The following PDIA6 variants were observed in gnomAD, a reference collection of about 807,000 sequenced individuals.
The protein encoded by PDIA6 is protein disulfide isomerase family A member 6.
PDIA6 carries 29 observed loss-of-function variants against 58.4 expected under a neutral mutation model. That is an observed-to-expected ratio of 0.50 (90% confidence interval 0.37 to 0.68). The LOEUF (loss-of-function observed/expected upper bound fraction) is 0.68. PDIA6 is among the 30% of genes least tolerant of loss of function. The pLI is 0.00. For missense variants in PDIA6, 480 were observed against 551.0 expected (o/e 0.87, Z 1.29); for synonymous variants, 192 against 202.6 (o/e 0.95, Z 0.44).
In PDIA6 at chr2:10,802,510, G is replaced by C. The variant is rs749186475; in HGVS notation, c.150C>G (p.Phe50Leu). The C allele has an allele frequency of 7.1e-7, 1 of 1,400,814 alleles. No individual in the cohort carries two copies. The highest frequency in any genetic ancestry group is 2.0e-5 in the South Asian group (1 of 51,186). 86.8% of individuals were successfully genotyped at this position (1,400,814 alleles called of 1,614,324 possible). The change falls in exon 2 of 13, where the codon TTC becomes TTG. Residue 50 changes from phenylalanine (F) to leucine (L), a missense_variant. Physicochemically the swap from Phe to Leu is conservative, Grantham distance 22. Transcript: ENST00000272227. The part of the protein sequence containing the change: ...IQSDSLWLVE[F>L]YAPWCGHCQR... ...TTTATAATACTTACCATGGAGCATA[G>C]AATTCTACAAGCCACAAACTATCAC...
In PDIA6 at chr2:10,784,233, T is replaced by C. The variant is rs1246161953; in HGVS notation, c.*25A>G. On this transcript the variant is annotated 3_prime_UTR_variant, in exon 13 of 13. Coordinates refer to ENST00000272227, the MANE Select transcript of PDIA6 (RefSeq NM_005742.4). ...TCCACTGGCTCCCAAGAAAAGAAAA[T>C]GGTCTGAAGCCTCTGTTGTGGCTCT... 1.3e-6 allele frequency: 2 copies of C among 1,584,602 alleles called. No individual in the cohort carries two copies. The highest frequency in any genetic ancestry group is 1.7e-6 in the Non-Finnish European group (2 of 1,161,660).
chr2:10,816,978 T>C (rs1418623937), upstream of PDIA6, among the ~76,000 whole-genome samples: 1 of 152,216 alleles, frequency 6.6e-6, no homozygotes, highest in Non-Finnish European at 1.5e-5. Flanking sequence ...CCCAAGTTCC[T>C]TGATGCCCAC....
In PDIA6 at chr2:10,793,133, AG is replaced by A; in HGVS notation, c.415del (p.Leu139SerfsTer24). On this transcript the variant is annotated frameshift_variant, in exon 5 of 13. Coordinates refer to ENST00000272227, the MANE Select transcript of PDIA6 (RefSeq NM_005742.4). LOFTEE classifies it high-confidence loss of function. ...ACTGTATCCTCCGCTCCGTCCCCCGAGGCGATCCTTCACGAGCTGGCGCAGA... is the reference window on the plus strand; with the variant it reads ...ACTGTATCCTCCGCTCCGTCCCCCGAGCGATCCTTCACGAGCTGGCGCAGA... ...SALRQLVKDR[L>X]GGRSGGYSSG... 1 of 1,614,036 alleles carries A rather than the reference AG, an allele frequency of 6.2e-7. No homozygotes were observed. Among genetic ancestry groups the A allele is most frequent in the Non-Finnish European group, 8.5e-7 (1 of 1,179,896 alleles).
At position 10,812,713 on chromosome 2, in the gene PDIA6, C is replaced by G; in HGVS notation, c.-17G>C. On this transcript the variant is annotated 5_prime_UTR_variant, in exon 1 of 13. Transcript: ENST00000272227. ...GAGAGCCATGCCGAGCGCCGGGCTA[C>G]GTGCAGTCCCCACCGCCGCCGCCGC... 6.6e-7 allele frequency: 1 copy of G among 1,514,632 alleles called. No homozygotes were observed. 93.8% of individuals were successfully genotyped at this position (1,514,632 alleles called of 1,614,324 possible).
At chr2:10,798,656 A>C (rs970270303) in intron 2 of PDIA6, among the ~76,000 whole-genome samples, 11 of 151,998 alleles carry the variant, frequency 7.2e-5, no homozygotes, top group Admixed American at 5.9e-4. Flanking sequence ...CACCCTCAAC[A>C]AGCCCTTTAG....
upstream of PDIA6, among the ~76,000 whole-genome samples, chr2:10,813,788 A>C (rs1667107987): frequency 6.6e-6 from 1 of 151,672 alleles, no homozygotes; most frequent in Non-Finnish European, 1.5e-5. Flanking sequence ...GGTGCATGTC[A>C]CCACGCCCGG....
At chr2:10,819,584 G>T (rs1667322070) in intron 1 of PDIA6, among the ~76,000 whole-genome samples, 1 of 152,170 alleles carries the variant, frequency 6.6e-6, no homozygotes, top group African/African-American at 2.4e-5. Flanking sequence ...TCCTTCTTTT[G>T]TCTGAAGGAC....
At chr2:10,828,781 G>A (rs190087216) in intron 1 of PDIA6, among the ~76,000 whole-genome samples, 3 of 152,326 alleles carry the variant, frequency 2.0e-5, no homozygotes, top group Admixed American at 2.0e-4. Context: ...GCTTTGGAGG[G>A]GGCACAAAGC....
chr2:10,802,599 A>G lies in PDIA6; in HGVS notation c.61T>C (p.Tyr21His). ...CTFFLAVNGLYSSSDDVIELT... is the reference protein window; with the variant it reads ...CTFFLAVNGLHSSSDDVIELT... ...TCGATCACATCATCACTAGAGGAATACAGACCATTCACTGCCAGAAAGAAG... is the reference window on the plus strand; with the variant it reads ...TCGATCACATCATCACTAGAGGAATGCAGACCATTCACTGCCAGAAAGAAG... The change falls in exon 2 of 13, where the codon TAT becomes CAT. Residue 21 changes from tyrosine to histidine, a missense_variant. Transcript: ENST00000272227. 2 of 1,493,192 alleles carry G rather than the reference A, an allele frequency of 1.3e-6. No homozygotes were observed. Among genetic ancestry groups the G allele is most frequent in the South Asian group, 1.4e-5 (1 of 69,400 alleles). 92.5% of individuals were successfully genotyped at this position (1,493,192 alleles called of 1,614,324 possible).
chr2:10,789,083 A>C, intron 8 of PDIA6, 102 bp from the exon 9 acceptor site: 1 of 824,618 alleles, frequency 1.2e-6, no homozygotes, highest in Non-Finnish European at 2.1e-6. Flanking sequence ...TTCATTGAAA[A>C]CATTTCTCCC....
chr2:10,827,814 AC>A (rs1295309739), intron 1 of PDIA6, among the ~76,000 whole-genome samples: 3 of 129,542 alleles, frequency 2.3e-5, no homozygotes, highest in East Asian at 2.3e-4. Flanking sequence ...ACAGAGTACG[AC>A]TCTGTCTCAA....
At chr2:10,786,192 A>G (rs552027822) in intron 11 of PDIA6, among the ~76,000 whole-genome samples, 22 of 152,176 alleles carry the variant, frequency 1.4e-4, no homozygotes, top group Middle Eastern at 3.4e-3. Flanking sequence ...GCGTGGTGGC[A>G]GGCGCCTGTA....
chr2:10,796,939 T>C (rs1734344), intron 4 of PDIA6, 142 bp downstream of exon 4: 200,124 of 711,194 alleles, frequency 0.28, 29,758 homozygotes, highest in Admixed American at 0.37. Context: ...TCGGAGGGTA[T>C]AGGAATCACT....
chr2:10,824,093 A>G (rs1254188684), intron 1 of PDIA6, among the ~76,000 whole-genome samples: 1 of 152,142 alleles, frequency 6.6e-6, no homozygotes, highest in African/African-American at 2.4e-5. Context: ...AGCACACTCC[A>G]GTAAACCTCC....
chr2:10,793,224 C>A, intron 4 of PDIA6, 22 bp from the exon 5 acceptor site: 1 of 1,557,794 alleles, frequency 6.4e-7, no homozygotes, highest in Non-Finnish European at 8.9e-7. Context: ...GGAAGGTAGG[C>A]GGTCCTCAGC....
rs148327889 is a variant in PDIA6 at position 10,832,386 on chromosome 2, C to T, written c.-232G>A. Reference sequence around the variant, plus strand: ...AGCAAACTGCAGCTGCAGATATCCTCGCCATCTACGCCTCACAAACACCAC... The same window carrying T: ...AGCAAACTGCAGCTGCAGATATCCTTGCCATCTACGCCTCACAAACACCAC... On this transcript the variant is annotated 5_prime_UTR_variant, in exon 1 of 14. Coordinates refer to the PDIA6 transcript ENST00000381611. 4.1e-6 allele frequency: 4 copies of T among 982,820 alleles called. No homozygotes were observed. The African/African-American group carries it at 7.0e-5, about 17-fold the overall frequency. 60.9% of individuals were successfully genotyped at this position (982,820 alleles called of 1,614,324 possible).
intron 2 of PDIA6, among the ~76,000 whole-genome samples, chr2:10,800,881 A>C (rs958010124): frequency 9.9e-5 from 15 of 152,156 alleles, no homozygotes; most frequent in African/African-American, 3.6e-4. Context: ...AAATTGCTGA[A>C]ATTATAATCG....
At chr2:10,793,385 T>C (rs991064470) in intron 4 of PDIA6, among the ~76,000 whole-genome samples, 183 bp from the exon 5 acceptor site, 3 of 152,210 alleles carry the variant, frequency 2.0e-5, no homozygotes, top group African/African-American at 4.8e-5. Flanking sequence ...AACTTAACAC[T>C]TGGAAAACCA....
intron 2 of PDIA6, among the ~76,000 whole-genome samples, chr2:10,818,205 C>T (rs1426747896): frequency 2.0e-5 from 3 of 151,964 alleles, no homozygotes; most frequent in Middle Eastern, 3.4e-3. Context: ...CTCTGTCACC[C>T]AGGCTGGAGT....
Sources: allele counts gnomAD v4.1 joint callset (sites outside exome capture counted in the v4.1 genomes callset), GRCh38; gene constraint gnomAD v4.1.1; transcripts MANE v1.5; gene names NCBI Gene and HGNC (gene_info 2026-07-23, HGNC 2026-07-21).